Variants in MDGA2 observed in about 807,000 individuals in gnomAD.
MDGA2 encodes the protein MAM domain containing glycosylphosphatidylinositol anchor 2.
In MDGA2, 40 loss-of-function variants were observed where a neutral mutation model predicts 117.8. The ratio of observed to expected loss-of-function variants is 0.34; its 90% CI spans 0.26 to 0.44. The LOEUF (loss-of-function observed/expected upper bound fraction) is 0.44, where lower values mean the gene tolerates loss of function less well. Ranked by LOEUF, MDGA2 falls within the 20% of genes least tolerant of loss-of-function variation. The probability of loss-of-function intolerance (pLI) is 1.00; values close to 1 mark genes in which losing one functional copy is unlikely to be tolerated. For synonymous variants in MDGA2, 452 were observed against 439.0 expected, an observed-to-expected ratio of 1.03 and a Z score of -0.37; for missense variants, 1,123 against 1,250.6, an observed-to-expected ratio of 0.90 and a Z score of 1.54.
At chr14:47,622,587 C>T (rs1897069486) in intron 1 of MDGA2, among the ~76,000 whole-genome samples, 1 of 151,646 alleles carries the variant, frequency 6.6e-6, no homozygotes, top group Non-Finnish European at 1.5e-5. Context: ...ACAAATAACA[C>T]CATCTGTTGT....
chr14:47,335,259 A>G (rs1403834226), intron 1 of MDGA2, among the ~76,000 whole-genome samples: 2 of 145,366 alleles, frequency 1.4e-5, no homozygotes, highest in African/African-American at 5.1e-5. Flanking sequence ...GATCAGTACT[A>G]CACAGAAAAA....
intron 3 of MDGA2, among the ~76,000 whole-genome samples, chr14:47,194,517 T>G (rs1483288621): frequency 6.6e-6 from 1 of 152,074 alleles, no homozygotes; most frequent in Non-Finnish European, 1.5e-5. Context: ...AGAGGAATAG[T>G]AAATAATTCT....
intron 10 of MDGA2, among the ~76,000 whole-genome samples, chr14:46,905,928 GC>G (rs1483539914): frequency 6.6e-6 from 1 of 151,916 alleles, no homozygotes; most frequent in African/African-American, 2.4e-5. Flanking sequence ...AATATGCATA[GC>G]TGCATAGATA....
At position 47,402,343 on chromosome 14, in the gene MDGA2, C is replaced by CA. The variant is rs1399479709; in HGVS notation, c.281-100794dup. Among the ~76,000 whole-genome samples, 20 of 124,040 alleles carry CA rather than the reference C, an allele frequency of 1.6e-4. No individual in the cohort carries two copies. The South Asian group carries it at 4.0e-3, about 25-fold the overall frequency. 81.4% of individuals were successfully genotyped at this position (124,040 alleles called of 152,430 possible). ...GAAACCCCAGAAACCCCCGCCCCCC[C>CA]ACCCCGCAAAAAAAAGAGAGAGAGA... On this transcript the variant is annotated intron_variant, in intron 1 of 16. Transcript: ENST00000399232.
intron 1 of MDGA2, among the ~76,000 whole-genome samples, chr14:47,609,428 C>T (rs1179088722): frequency 1.7e-4 from 3 of 17,562 alleles, no homozygotes; most frequent in Admixed American, 1.9e-3. Flanking sequence ...AGTATTCCAT[C>T]ATATATATAT....
intron 1 of MDGA2, among the ~76,000 whole-genome samples, chr14:47,600,966 G>A (rs932975053): frequency 2.0e-5 from 3 of 152,178 alleles, no homozygotes; most frequent in African/African-American, 7.2e-5. Context: ...ACAGAGATAT[G>A]TGGTACAAAA....
intron 1 of MDGA2, among the ~76,000 whole-genome samples, chr14:47,417,664 A>G (rs1403872052): frequency 2.0e-5 from 3 of 152,086 alleles, no homozygotes; most frequent in Non-Finnish European, 4.4e-5. Context: ...AGCTGCTTCC[A>G]CATTTTTAGT....
At chr14:47,004,464 A>G (rs1246851921) in intron 8 of MDGA2, among the ~76,000 whole-genome samples, 4 of 151,618 alleles carry the variant, frequency 2.6e-5, no homozygotes, top group African/African-American at 9.7e-5. Flanking sequence ...ACCACATTCT[A>G]TTTTTGCAAT....
chr14:47,468,954 T>A (rs1362903829), intron 1 of MDGA2, among the ~76,000 whole-genome samples: 1 of 152,136 alleles, frequency 6.6e-6, no homozygotes, highest in Non-Finnish European at 1.5e-5. Flanking sequence ...TTTCAGGTTT[T>A]ACATGAATGG....
intron 1 of MDGA2, among the ~76,000 whole-genome samples, chr14:47,389,141 T>C (rs1297139666): frequency 6.6e-6 from 1 of 152,104 alleles, no homozygotes; most frequent in Non-Finnish European, 1.5e-5. Context: ...GTCTTTACTT[T>C]TCAAAAAATT....
chr14:47,094,186 C>T (rs1275200655), intron 6 of MDGA2, among the ~76,000 whole-genome samples: 2 of 151,892 alleles, frequency 1.3e-5, no homozygotes, highest in African/African-American at 2.4e-5. Flanking sequence ...TATATACAAA[C>T]TTGATTTTAT....
chr14:47,528,681 A>G (rs1285305056), intron 1 of MDGA2, among the ~76,000 whole-genome samples: 7 of 152,230 alleles, frequency 4.6e-5, no homozygotes, highest in Non-Finnish European at 1.0e-4. Flanking sequence ...AACGGAAAGT[A>G]TTGATTAGAT....
rs567119684 is a variant in MDGA2, at chr14:47,204,931, A to G, written c.595+13090T>C. Among the ~76,000 whole-genome samples the G allele has an allele frequency of 9.2e-5, 14 of 152,040 alleles. No homozygotes were observed. In the South Asian group the frequency reaches 2.5e-3, roughly 27 times the overall value. On this transcript the variant is annotated intron_variant, in intron 3 of 16. Transcript: ENST00000399232. The stretch of plus-strand genomic sequence containing the variant: ...CATGCTATGAAGATTTGAACAATCT[A>G]CTTAAATTGGAGTGGCCTAAGTCAC...
Position 47,110,391 on chromosome 14 carries a change from G to T in MDGA2, c.926-13268C>A, listed in dbSNP as rs141080842. ...AAAGCTCTTTTCTGAGTGTAAAATA[G>T]CAACAGCAGAAGAGATAAAGACATC... On this transcript the variant is annotated intron_variant, in intron 5 of 16. Transcript: ENST00000399232. Among the ~76,000 whole-genome samples the T allele has an allele frequency of 2.0e-5, 3 of 152,260 alleles. No individual in the cohort carries two copies. The East Asian group carries it at 5.8e-4, about 29-fold the overall frequency.
intron 15 of MDGA2, among the ~76,000 whole-genome samples, chr14:46,849,915 T>C (rs1268669530): frequency 6.6e-6 from 1 of 151,810 alleles, no homozygotes; most frequent in Non-Finnish European, 1.5e-5. Flanking sequence ...TAACAGCAAC[T>C]AGGTACCCAT....
chr14:47,012,334 G>C (rs1167448017), intron 8 of MDGA2, among the ~76,000 whole-genome samples: 1 of 152,104 alleles, frequency 6.6e-6, no homozygotes, highest in Non-Finnish European at 1.5e-5. Context: ...TGCATTCTCA[G>C]AGTGAACATT....
chr14:47,090,433 T>C (rs933978650), intron 6 of MDGA2, among the ~76,000 whole-genome samples: 2 of 152,112 alleles, frequency 1.3e-5, no homozygotes, highest in African/African-American at 4.8e-5. Flanking sequence ...GCACATTTCA[T>C]TGATTCTAAA....
At chr14:47,443,209 T>C (rs1294608811) in intron 1 of MDGA2, among the ~76,000 whole-genome samples, 2 of 152,158 alleles carry the variant, frequency 1.3e-5, no homozygotes, top group East Asian at 1.9e-4. Flanking sequence ...AAGAAATTCA[T>C]GCCAGTTTTG....
chr14:46,905,506 A>G (rs954837876), intron 10 of MDGA2, among the ~76,000 whole-genome samples: 1 of 152,208 alleles, frequency 6.6e-6, no homozygotes, highest in African/African-American at 2.4e-5. Flanking sequence ...GCATATGCAC[A>G]GTAAACAATG....
Sources: gnomAD v4.1 joint callset for allele counts (sites outside exome capture counted in the v4.1 genomes callset) on GRCh38, gnomAD v4.1.1 for gene constraint, MANE v1.5 for transcripts, NCBI Gene and HGNC (gene_info 2026-07-23, HGNC 2026-07-21) for gene names.